The following PRKG1 variants were observed in gnomAD, a reference collection of about 807,000 sequenced individuals.
PRKG1 encodes cGMP-dependent protein kinase 1.
Under a neutral mutation model 88.1 loss-of-function variants are expected in PRKG1, and 35 were observed. The ratio of observed to expected loss-of-function variants is 0.40; its 90% CI spans 0.30 to 0.53. The LOEUF (loss-of-function observed/expected upper bound fraction) is 0.53, where lower values mean the gene tolerates loss of function less well. Among genes scored for constraint, PRKG1 ranks in the 20% least tolerant of loss-of-function variants. PRKG1 has a pLI of 0.59. For missense variants in PRKG1, 540 were observed against 839.8 expected (o/e 0.64, Z 4.41); for synonymous variants, 303 against 292.5 (o/e 1.04, Z -0.37).
intron 5 of PRKG1, among the ~76,000 whole-genome samples, chr10:52,030,677 G>A (rs185259539): frequency 2.5e-4 from 38 of 152,290 alleles, no homozygotes; most frequent in South Asian, 4.1e-4. Context: ...GAGTGGCTGC[G>A]TGCTTCAGTT....
At chr10:51,483,356 G>T (rs1284368206) in intron 3 of PRKG1, among the ~76,000 whole-genome samples, 1 of 151,934 alleles carries the variant, frequency 6.6e-6, no homozygotes, top group African/African-American at 2.4e-5. Context: ...CCTTATGCAG[G>T]GGTTTCTTTC....
chr10:51,971,882 A>G (rs1392202263), intron 5 of PRKG1, among the ~76,000 whole-genome samples: 1 of 152,180 alleles, frequency 6.6e-6, no homozygotes, highest in East Asian at 1.9e-4. Flanking sequence ...ATTAAGTACT[A>G]TTTCACACAT....
At chr10:51,842,060 A>C (rs1472479786) in intron 4 of PRKG1, among the ~76,000 whole-genome samples, 1 of 152,202 alleles carries the variant, frequency 6.6e-6, no homozygotes, top group Admixed American at 6.5e-5. Flanking sequence ...AACTGTCCAG[A>C]TTCTCAGCTA....
chr10:51,445,411 G>T (rs1031302102), intron 2 of PRKG1, among the ~76,000 whole-genome samples: 1 of 151,762 alleles, frequency 6.6e-6, no homozygotes, highest in African/African-American at 2.4e-5. Context: ...GTTAGCCTTT[G>T]ATCATTATAA....
intron 3 of PRKG1, among the ~76,000 whole-genome samples, chr10:51,496,138 G>A (rs1277166462): frequency 2.0e-5 from 3 of 152,122 alleles, no homozygotes; most frequent in Admixed American, 1.3e-4. Context: ...CAAAATTCAA[G>A]AATGAAGTGA....
intron 5 of PRKG1, among the ~76,000 whole-genome samples, chr10:51,961,032 A>G (rs1197492634): frequency 2.0e-5 from 3 of 152,208 alleles, no homozygotes; most frequent in Non-Finnish European, 4.4e-5. Flanking sequence ...GTGCCAAAAA[A>G]GGCATTAGTT....
intron 3 of PRKG1, among the ~76,000 whole-genome samples, chr10:51,505,176 C>A (rs76208414): frequency 5.5e-4 from 84 of 151,734 alleles, no homozygotes; most frequent in African/African-American, 2.0e-3. Context: ...GAGTTTTTAG[C>A]ATGAAGGGTT....
chr10:51,363,355 C>T (rs1422136662), intron 2 of PRKG1, among the ~76,000 whole-genome samples: 1 of 151,908 alleles, frequency 6.6e-6, no homozygotes, highest in African/African-American at 2.4e-5. Flanking sequence ...TTCTTTTCAT[C>T]TCTCACGGAA....
intron 3 of PRKG1, among the ~76,000 whole-genome samples, chr10:51,605,516 T>A (rs1396897779): frequency 6.6e-6 from 1 of 152,182 alleles, no homozygotes; most frequent in Non-Finnish European, 1.5e-5. Flanking sequence ...GTATATACAC[T>A]GAATAGGAGG....
chr10:51,209,976 A>G (rs1378357876), intron 2 of PRKG1, among the ~76,000 whole-genome samples: 1 of 152,152 alleles, frequency 6.6e-6, no homozygotes, highest in African/African-American at 2.4e-5. Flanking sequence ...TCTTTCTGGC[A>G]TAGTGTTTGA....
At chr10:51,156,816 G>A (rs190171363) in intron 2 of PRKG1, among the ~76,000 whole-genome samples, 65 of 152,020 alleles carry the variant, frequency 4.3e-4, no homozygotes, top group African/African-American at 1.5e-3. Context: ...AATTTAGGTA[G>A]CAATGTTCTT....
chr10:52,001,048 G>A (rs1844581599), intron 5 of PRKG1, among the ~76,000 whole-genome samples: 1 of 151,802 alleles, frequency 6.6e-6, no homozygotes, highest in African/African-American at 2.4e-5. Context: ...CTCTATTACG[G>A]TGGGTTCAAA....
At chr10:51,488,106 A>G (rs1840599834) in intron 3 of PRKG1, among the ~76,000 whole-genome samples, 1 of 152,184 alleles carries the variant, frequency 6.6e-6, no homozygotes, top group South Asian at 2.1e-4. Context: ...CAAATTCTAT[A>G]TGACATGTAT....
At chr10:51,366,935 T>C (rs567100228) in intron 2 of PRKG1, among the ~76,000 whole-genome samples, 1 of 152,034 alleles carries the variant, frequency 6.6e-6, no homozygotes, top group South Asian at 2.1e-4. Flanking sequence ...CAAAAATTAA[T>C]GACTAAACCA....
Position 52,068,024 on chromosome 10 carries a change from GAAACCCCGTCTCTACTAAAAATACA to G in PRKG1, c.935+5397_935+5421del, listed in dbSNP as rs374930424. 5.1e-3 allele frequency among the ~76,000 whole-genome samples: 612 copies of G among 120,260 alleles called. 18 individuals carry two copies. The highest frequency in any genetic ancestry group is 0.015 in the African/African-American group (574 of 38,870). The allele number at this position is 120,260 out of a possible 152,430, so 78.9% of individuals were successfully genotyped here. A position where few individuals can be genotyped will look rare whatever the true frequency, so the allele number is the denominator to read the frequency against. ...TCGAGACCATCCTGGCTAACACGGT[GAAACCCCGTCTCTACTAAAAATACA>G]AAAATCAGCCGGGCATGGTGGCGCG... On this transcript the variant is annotated intron_variant, in intron 7 of 17. Transcript: ENST00000373980.
At chr10:51,226,426 A>C (rs966009716) in intron 2 of PRKG1, among the ~76,000 whole-genome samples, 7 of 152,174 alleles carry the variant, frequency 4.6e-5, no homozygotes, top group Non-Finnish European at 8.8e-5. Flanking sequence ...GTTTTTAGCA[A>C]GATGTGCATC....
chr10:51,033,104 T>C (rs911854768), intron 1 of PRKG1, among the ~76,000 whole-genome samples: 2 of 152,146 alleles, frequency 1.3e-5, no homozygotes, highest in Admixed American at 6.5e-5. Flanking sequence ...CTCATCCTTC[T>C]CAAAGCTTAT....
rs149520943 is a variant in PRKG1, at chr10:51,209,248, T to C, written c.478+55918T>C. ...AAGTGTGCAGAAATGTATTCCTTTA[T>C]TGGTGTAAGAGTGTACAGATATTCA... On this transcript the variant is annotated intron_variant, in intron 2 of 17. Coordinates refer to ENST00000373980, the MANE Select transcript of PRKG1 (RefSeq NM_006258.4). 2.6e-5 allele frequency among the ~76,000 whole-genome samples: 4 copies of C among 152,324 alleles called. No individual in the cohort carries two copies. The East Asian group carries it at 7.7e-4, about 29-fold the overall frequency.
chr10:51,439,666 A>G, intron 2 of PRKG1, among the ~76,000 whole-genome samples: 1 of 151,914 alleles, frequency 6.6e-6, no homozygotes, highest in South Asian at 2.1e-4. Context: ...AGAACACCCT[A>G]AAATTTTGAC....
Sources: gnomAD v4.1 joint callset for allele counts (sites outside exome capture counted in the v4.1 genomes callset) on GRCh38, gnomAD v4.1.1 for gene constraint, MANE v1.5 for transcripts, NCBI Gene and HGNC (gene_info 2026-07-23, HGNC 2026-07-21) for gene names.